Variants in GRM7 observed in about 807,000 individuals in gnomAD.
GRM7 encodes the protein glutamate metabotropic receptor 7.
Under a neutral mutation model 84.5 loss-of-function variants are expected in GRM7, and 35 were observed. The ratio of observed to expected loss-of-function variants is 0.41; its 90% CI spans 0.32 to 0.55. The LOEUF is 0.55. GRM7 is among the 20% of genes least tolerant of loss of function. The pLI, the probability that GRM7 is intolerant of heterozygous loss-of-function variation, is 0.19. For synonymous variants in GRM7, 487 were observed against 455.1 expected, an observed-to-expected ratio of 1.07 and a Z score of -0.89; for missense variants, 1,003 against 1,194.6, an observed-to-expected ratio of 0.84 and a Z score of 2.36.
intron 6 of GRM7, 112 bp downstream of exon 6, chr3:7,452,919 A>C: frequency 1.5e-6 from 1 of 672,704 alleles, no homozygotes; most frequent in Non-Finnish European, 2.6e-6. Context: ...AACTTGCTTG[A>C]TTATAAAACT....
intron 8 of GRM7, among the ~76,000 whole-genome samples, chr3:7,635,456 C>A (rs941598740): frequency 6.6e-6 from 1 of 152,166 alleles, no homozygotes. Flanking sequence ...AAAATGGCAT[C>A]TTTAATTAAC....
intron 1 of GRM7, among the ~76,000 whole-genome samples, chr3:6,958,797 A>G (rs1426921145): frequency 6.6e-6 from 1 of 152,164 alleles, no homozygotes; most frequent in Non-Finnish European, 1.5e-5. Context: ...TTTGATACCT[A>G]CTTTATACAG....
intron 1 of GRM7, among the ~76,000 whole-genome samples, chr3:7,081,831 C>G (rs1301754081): frequency 6.6e-6 from 1 of 152,038 alleles, no homozygotes; most frequent in African/African-American, 2.4e-5. Context: ...AAAATCCAAC[C>G]AGCCACAACA....
chr3:7,680,392 G>C, intron 9 of GRM7, 97 bp downstream of exon 9: 1 of 1,311,630 alleles, frequency 7.6e-7, no homozygotes, highest in South Asian at 1.3e-5. Flanking sequence ...TACTGTGATC[G>C]TTCTTGTCTT....
At chr3:7,218,070 C>T (rs997270652) in intron 2 of GRM7, among the ~76,000 whole-genome samples, 1 of 152,166 alleles carries the variant, frequency 6.6e-6, no homozygotes, top group Middle Eastern at 3.4e-3. Context: ...TATTATGACT[C>T]TGTAGTGACT....
At chr3:7,646,691 T>C (rs1194475578) in intron 8 of GRM7, among the ~76,000 whole-genome samples, 2 of 152,128 alleles carry the variant, frequency 1.3e-5, no homozygotes, top group Non-Finnish European at 2.9e-5. Flanking sequence ...CATGGTGATT[T>C]TGGGGGGGAA....
intron 1 of GRM7, among the ~76,000 whole-genome samples, chr3:7,139,671 T>A (rs1338630728): frequency 6.6e-6 from 1 of 151,980 alleles, no homozygotes. Context: ...TAGAGTGATA[T>A]GTCGATACAG....
rs1296627519 is a variant in GRM7 at position 7,298,572 on chromosome 3, A to G, written c.737-112A>G. On this transcript the variant is annotated intron_variant, in intron 2 of 9. Transcript: ENST00000357716. ...GCTGTCCTCGCTTAGCAACAGCATC[A>G]AGGAAGTATTGCATATCCGGGATTC... is the stretch of plus-strand genomic sequence containing the variant. The G allele has an allele frequency of 1.5e-5, 13 of 841,514 alleles. No homozygotes were observed. The East Asian group carries it at 2.7e-4, about 18-fold the overall frequency. The allele number at this position is 841,514 out of a possible 1,614,324, so 52.1% of individuals were successfully genotyped here.
rs145642637 is a variant in GRM7 at position 7,452,438 on chromosome 3, C to G, written c.1175-169C>G. 2.4e-3 allele frequency among the ~76,000 whole-genome samples: 371 copies of G among 152,164 alleles called. 6 individuals carry two copies. The highest frequency in any genetic ancestry group is 1.8e-3 in the Non-Finnish European group (122 of 68,006). On this transcript the variant is annotated intron_variant, in intron 5 of 9. Coordinates refer to ENST00000357716, the MANE Select transcript of GRM7 (RefSeq NM_000844.4). The stretch of plus-strand genomic sequence containing the variant: ...TAACATGGTAGCTGGATATGGATAC[C>G]AACTGGCTATCACGTGGTAGGCAAA...
intron 2 of GRM7, among the ~76,000 whole-genome samples, chr3:7,209,171 G>A (rs1346092602): frequency 6.6e-6 from 1 of 152,154 alleles, no homozygotes; most frequent in African/African-American, 2.4e-5. Context: ...ATTGAATGCT[G>A]TACTGAAAGT....
intron 4 of GRM7, among the ~76,000 whole-genome samples, chr3:7,406,372 C>T (rs979565942): frequency 1.3e-5 from 2 of 151,404 alleles, no homozygotes; most frequent in African/African-American, 2.4e-5. Flanking sequence ...TAGTGGCGGG[C>T]GCCTGTAATC....
chr3:7,089,080 C>G (rs937147474), intron 1 of GRM7, among the ~76,000 whole-genome samples: 2 of 152,112 alleles, frequency 1.3e-5, no homozygotes, highest in African/African-American at 4.8e-5. Flanking sequence ...GTTTTAATCT[C>G]TCTGTTTTCT....
intron 4 of GRM7, among the ~76,000 whole-genome samples, chr3:7,410,396 T>A (rs1695874273): frequency 6.6e-6 from 1 of 151,692 alleles, no homozygotes; most frequent in Admixed American, 6.6e-5. Flanking sequence ...CATGGTGAGA[T>A]CCTATCTCTA....
chr3:7,016,785 A>G (rs1248918145), intron 1 of GRM7, among the ~76,000 whole-genome samples: 2 of 152,196 alleles, frequency 1.3e-5, no homozygotes, highest in African/African-American at 2.4e-5. Context: ...CATGATTGCC[A>G]CTATAGTATT....
At chr3:7,379,031 A>G (rs556204922) in intron 4 of GRM7, among the ~76,000 whole-genome samples, 81 of 152,272 alleles carry the variant, frequency 5.3e-4, no homozygotes, top group Middle Eastern at 3.4e-3. Flanking sequence ...TTTAAATAAC[A>G]CATATTAAGT....
At chr3:7,249,937 C>G (rs561042403) in intron 2 of GRM7, among the ~76,000 whole-genome samples, 27 of 152,118 alleles carry the variant, frequency 1.8e-4, no homozygotes, top group African/African-American at 6.3e-4. Flanking sequence ...CCAGGAAGGA[C>G]GAAATGGGAA....
At chr3:7,714,372 T>C (rs1480375365) in intron 9 of GRM7, among the ~76,000 whole-genome samples, 4 of 152,184 alleles carry the variant, frequency 2.6e-5, no homozygotes, top group African/African-American at 9.7e-5. Flanking sequence ...GTGCCAGTTA[T>C]CTTCTAAACT....
At chr3:6,945,000 T>C (rs1268291934) in intron 1 of GRM7, among the ~76,000 whole-genome samples, 2 of 152,190 alleles carry the variant, frequency 1.3e-5, no homozygotes, top group African/African-American at 4.8e-5. Flanking sequence ...TCATTTCTGA[T>C]ACTGGTAATT....
intron 8 of GRM7, among the ~76,000 whole-genome samples, chr3:7,678,501 C>A (rs774104761): frequency 7.0e-4 from 107 of 152,242 alleles, no homozygotes; most frequent in Admixed American, 3.0e-3. Flanking sequence ...CATGTAAAGC[C>A]TTTCTTGAAC....
Sources: gnomAD v4.1 joint callset for allele counts (sites outside exome capture counted in the v4.1 genomes callset) on GRCh38, gnomAD v4.1.1 for gene constraint, MANE v1.5 for transcripts, NCBI Gene and HGNC (gene_info 2026-07-23, HGNC 2026-07-21) for gene names.